The following SMARCA1 variants were observed in gnomAD, a reference collection of about 807,000 sequenced individuals.
The protein encoded by SMARCA1 is SNF2 related chromatin remodeling ATPase 1, also known as SWI/SNF-related matrix-associated actin-dependent regulator of chromatin subfamily A member 1.
Under a neutral mutation model 93.6 loss-of-function variants are expected in SMARCA1, and 17 were observed. The ratio of observed to expected loss-of-function variants is 0.18; its 90% CI spans 0.12 to 0.27. The LOEUF (loss-of-function observed/expected upper bound fraction) is 0.27. SMARCA1 is among the 10% of genes least tolerant of loss of function. SMARCA1 has a pLI of 1.00. For synonymous variants in SMARCA1, 271 were observed against 271.4 expected (o/e 1.00, Z 0.01); for missense variants, 630 against 819.0 (o/e 0.77, Z 2.82).
At chrX:129,466,708 T>C (rs1172398911) in intron 21 of SMARCA1, among the ~76,000 whole-genome samples, 1 of 110,854 alleles carries the variant, frequency 9.0e-6, no homozygotes, top group Non-Finnish European at 1.9e-5. Flanking sequence ...GTTGTTCAAA[T>C]TTTTTTCTAT....
At chrX:129,465,132 T>C (rs1296078879) in intron 23 of SMARCA1, among the ~76,000 whole-genome samples, 1 of 111,542 alleles carries the variant, frequency 9.0e-6, no homozygotes, top group African/African-American at 3.3e-5. Context: ...CTAAATGACA[T>C]TACTGAATCA....
chrX:129,489,605 C>T (rs890270272), intron 15 of SMARCA1, among the ~76,000 whole-genome samples: 13 of 112,377 alleles, frequency 1.2e-4, no homozygotes, highest in African/African-American at 3.6e-4. Context: ...TCGCCCAAGG[C>T]GGAGTGCAGT....
chrX:129,490,504 C>T (rs1208661244), intron 14 of SMARCA1, among the ~76,000 whole-genome samples: 3 of 111,961 alleles, frequency 2.7e-5, no homozygotes, highest in African/African-American at 6.5e-5. Flanking sequence ...TAAACATCTT[C>T]GAAACTAGCA....
intron 23 of SMARCA1, among the ~76,000 whole-genome samples, chrX:129,460,487 CA>C (rs1462811839): frequency 9.1e-6 from 1 of 110,122 alleles, no homozygotes; most frequent in African/African-American, 3.3e-5. Flanking sequence ...CCATCTCTAC[CA>C]AAAATATTAA....
intron 23 of SMARCA1, among the ~76,000 whole-genome samples, chrX:129,462,420 A>C (rs1047879788): frequency 1.8e-5 from 2 of 112,052 alleles, no homozygotes; most frequent in Non-Finnish European, 3.8e-5. Flanking sequence ...GGGGGAAAGA[A>C]GATCATCAAG....
At chrX:129,513,780 G>A (rs970971342) in intron 5 of SMARCA1, among the ~76,000 whole-genome samples, 2 of 109,599 alleles carry the variant, frequency 1.8e-5, no homozygotes, top group African/African-American at 6.6e-5. Flanking sequence ...CTAAATATAA[G>A]GAGCTACAGA....
intron 23 of SMARCA1, among the ~76,000 whole-genome samples, chrX:129,455,692 G>A (rs952919933): frequency 9.0e-6 from 1 of 111,713 alleles, no homozygotes; most frequent in Admixed American, 9.5e-5. Context: ...AAGTTTTAGT[G>A]GTCTGGACAG....
chrX:129,507,562 T>C (rs1470838841), intron 7 of SMARCA1, among the ~76,000 whole-genome samples: 1 of 112,784 alleles, frequency 8.9e-6, no homozygotes, highest in South Asian at 3.6e-4. Flanking sequence ...CAATGTTCCA[T>C]CTTTTTTCTT....
rs144247828 is a variant in SMARCA1, at chrX:129,502,769, C to A, written c.1167+1965G>T. ...TTGGATTTGGAATTAATAAGGGAGA[C>A]ACCTGAGCATGTTTACACTTAGGGA... On this transcript the variant is annotated intron_variant, in intron 9 of 24. Coordinates refer to ENST00000371121, the MANE Select transcript of SMARCA1 (RefSeq NM_001282874.2). Among the ~76,000 whole-genome samples, 1,091 of 111,579 alleles carry A rather than the reference C, an allele frequency of 9.8e-3. 19 individuals are homozygous for A. Among genetic ancestry groups the A allele is most frequent in the African/African-American group, 0.034 (1,034 of 30,702 alleles).
At chrX:129,481,821 C>T (rs1043480339) in intron 17 of SMARCA1, among the ~76,000 whole-genome samples, 17 of 111,013 alleles carry the variant, frequency 1.5e-4, no homozygotes, top group African/African-American at 5.3e-4. Flanking sequence ...CCCAGCCATC[C>T]CATTACTAGG....
At chrX:129,456,389 C>T (rs1365689355) in intron 23 of SMARCA1, among the ~76,000 whole-genome samples, 1 of 112,040 alleles carries the variant, frequency 8.9e-6, no homozygotes, top group Non-Finnish European at 1.9e-5. Flanking sequence ...GTTTTTCATG[C>T]CTGTTAACAC....
chrX:129,469,073 AGT>A (rs1178904453), intron 20 of SMARCA1, among the ~76,000 whole-genome samples, 168 bp from the exon 21 acceptor site: 1 of 112,535 alleles, frequency 8.9e-6, no homozygotes, highest in Non-Finnish European at 1.9e-5. Context: ...GTTGAGTGAG[AGT>A]TGTTATAGAA....
Position 129,511,820 on chromosome X carries a change from C to A in SMARCA1, c.794G>T (p.Gly265Val), listed in dbSNP as rs755281078. ...CTCACTTACTCTGGCATCCTTGTCT[C>A]CGACAAAACAAATGACACGGAGAGA... ...VPSLRVICFV[G>V]DKDARAAFIR... The change falls in exon 6 of 25, where the codon GGA becomes GTA. Residue 265 changes from glycine to valine, a missense_variant. This residue lies in a region of SMARCA1 where 382 missense variants were observed against 537.9 expected (regional missense o/e 0.71). Coordinates refer to ENST00000371121, the MANE Select transcript of SMARCA1 (RefSeq NM_001282874.2). The A allele has an allele frequency of 8.4e-7, 1 of 1,195,166 alleles. No homozygotes were observed. Among genetic ancestry groups the A allele is most frequent in the Admixed American group, 2.3e-5 (1 of 43,920 alleles).
At chrX:129,478,643 T>C (rs1330570975) in intron 19 of SMARCA1, among the ~76,000 whole-genome samples, 1 of 112,289 alleles carries the variant, frequency 8.9e-6, no homozygotes, top group East Asian at 2.8e-4. Flanking sequence ...AAACTGCCTG[T>C]AATGAAAGGC....
chrX:129,503,695 G>A (rs945069540), intron 9 of SMARCA1, among the ~76,000 whole-genome samples: 5 of 111,839 alleles, frequency 4.5e-5, no homozygotes, highest in African/African-American at 1.6e-4. Flanking sequence ...CAGGCACAGT[G>A]GTTCTCGCCT....
Position 129,499,748 on chromosome X carries a change from T to C in SMARCA1, c.1261A>G (p.Lys421Glu), listed in dbSNP as rs759665882. 5.3e-6 allele frequency: 6 copies of C among 1,129,137 alleles called. No individual in the cohort carries two copies. In the South Asian group the frequency reaches 5.6e-5, roughly 10 times the overall value. The allele number at this position is 1,129,137 out of a possible 1,213,427, so 93.1% of individuals were successfully genotyped here. ...KEIKIYLGLS[K>E]MQREWYTKIL... The stretch of plus-strand genomic sequence containing the variant: ...ATAGCTCACCATTCTCGTTGCATCT[T>C]ACTCAGCCCCAAGTAAATCTTTATT... The change falls in exon 10 of 25, where the codon AAG (lysine) becomes GAG (glutamate). Residue 421 changes from lysine (K) to glutamate (E), a missense_variant. Coordinates refer to ENST00000371121, the MANE Select transcript of SMARCA1 (RefSeq NM_001282874.2).
chrX:129,495,965 T>C (rs1404709913), intron 12 of SMARCA1, among the ~76,000 whole-genome samples: 1 of 103,408 alleles, frequency 9.7e-6, no homozygotes, highest in Non-Finnish European at 2.0e-5. Context: ...CGACATTAAG[T>C]GAGGACTTGC....
intron 3 of SMARCA1, 71 bp downstream of exon 3, chrX:129,516,260 G>T: frequency 1.0e-6 from 1 of 997,510 alleles, no homozygotes; most frequent in South Asian, 2.2e-5. Flanking sequence ...TGCATGAAGG[G>T]ATCAAGGGAG....
chrX:129,495,494 T>C (rs935857473), intron 12 of SMARCA1, among the ~76,000 whole-genome samples: 1 of 111,451 alleles, frequency 9.0e-6, no homozygotes, highest in African/African-American at 3.3e-5. Flanking sequence ...GAGCAAGGAC[T>C]ACAGGTGCAT....
Sources: allele counts gnomAD v4.1 joint callset (sites outside exome capture counted in the v4.1 genomes callset), GRCh38; gene constraint gnomAD v4.1.1; regional missense constraint gnomAD v4.1.1; transcripts MANE v1.5; gene names NCBI Gene and HGNC (gene_info 2026-07-23, HGNC 2026-07-21).